PAPPA2: variants seen among roughly 807,000 people sequenced by gnomAD.
PAPPA2 encodes the protein pappalysin-2.
In PAPPA2, 86 loss-of-function variants were observed where a neutral mutation model predicts 176.4. The observed-to-expected ratio is 0.49, with a 90% CI of 0.41 to 0.58. The LOEUF (loss-of-function observed/expected upper bound fraction) is 0.58, where lower values mean the gene tolerates loss of function less well. PAPPA2 is among the 20% of genes least tolerant of loss of function. PAPPA2 has a pLI of 0.00. For synonymous variants in PAPPA2, 809 were observed against 852.2 expected, an observed-to-expected ratio of 0.95 and a Z score of 0.88; for missense variants, 2,073 against 2,256.9, an observed-to-expected ratio of 0.92 and a Z score of 1.65.
At chr1:176,499,633 G>C (rs1326359565) in intron 1 of PAPPA2, among the ~76,000 whole-genome samples, 1 of 152,124 alleles carries the variant, frequency 6.6e-6, no homozygotes, top group Non-Finnish European at 1.5e-5. Context: ...GGGAGACCAT[G>C]GTGAACAGCT....
At chr1:176,690,759 G>T in intron 5 of PAPPA2, 1 of 1,117,206 alleles carries the variant, frequency 9.0e-7, no homozygotes. Flanking sequence ...TCTTATTTTT[G>T]CCCGCATTCT....
intron 1 of PAPPA2, among the ~76,000 whole-genome samples, chr1:176,543,869 G>T (rs1280841646): frequency 1.3e-5 from 2 of 151,966 alleles, no homozygotes; most frequent in Non-Finnish European, 2.9e-5. Context: ...TAAGAAGTGG[G>T]CCATCTCTCT....
intron 3 of PAPPA2, among the ~76,000 whole-genome samples, chr1:176,605,882 A>C (rs1396050192): frequency 6.6e-6 from 1 of 152,078 alleles, no homozygotes. Flanking sequence ...AGCTTCTGAC[A>C]TGTTTAATTC....
intron 21 of PAPPA2, among the ~76,000 whole-genome samples, chr1:176,809,370 A>G (rs980851324): frequency 6.6e-6 from 1 of 152,208 alleles, no homozygotes; most frequent in African/African-American, 2.4e-5. Context: ...ATGGAGGTGG[A>G]AAGTTGTATT....
intron 12 of PAPPA2, among the ~76,000 whole-genome samples, chr1:176,722,362 A>ACTTTAAT (rs374559489): frequency 0.011 from 1,687 of 150,346 alleles, 21 homozygotes; most frequent in Middle Eastern, 0.028. Context: ...GGGAAAGATC[A>ACTTTAAT]CTTTAATTCA....
chr1:176,751,049 T>A (rs1663149843), intron 14 of PAPPA2, among the ~76,000 whole-genome samples: 1 of 151,956 alleles, frequency 6.6e-6, no homozygotes, highest in Admixed American at 6.6e-5. Context: ...AGTTTCAGCT[T>A]TCTACATATG....
At chr1:176,646,258 A>C (rs1335159468) in intron 3 of PAPPA2, among the ~76,000 whole-genome samples, 1 of 151,154 alleles carries the variant, frequency 6.6e-6, no homozygotes, top group Non-Finnish European at 1.5e-5. Flanking sequence ...CCATTTAAAA[A>C]ATTTTTATTT....
chr1:176,754,905 G>A (rs1041643842), intron 14 of PAPPA2, among the ~76,000 whole-genome samples: 2 of 152,148 alleles, frequency 1.3e-5, no homozygotes, highest in Non-Finnish European at 1.5e-5. Context: ...AGCACTGCAG[G>A]CAGAGGAAGT....
At chr1:176,642,415 G>A (rs577916444) in intron 3 of PAPPA2, among the ~76,000 whole-genome samples, 70 of 151,650 alleles carry the variant, frequency 4.6e-4, no homozygotes, top group Non-Finnish European at 5.5e-4. Context: ...CAAGCAAAAG[G>A]ACAAAGACAC....
chr1:176,533,178 T>A (rs1649905730), intron 1 of PAPPA2, among the ~76,000 whole-genome samples: 1 of 152,246 alleles, frequency 6.6e-6, no homozygotes, highest in Admixed American at 6.5e-5. Context: ...AGCCTCCCTC[T>A]TCAGGGGTGA....
chr1:176,549,631 A>G (rs899107371), intron 1 of PAPPA2, among the ~76,000 whole-genome samples: 3 of 152,198 alleles, frequency 2.0e-5, no homozygotes, highest in Non-Finnish European at 4.4e-5. Context: ...ACTTTAAGCC[A>G]GCTTAGTGCT....
intron 2 of PAPPA2, among the ~76,000 whole-genome samples, chr1:176,570,836 C>CA (rs1201258706): frequency 1.3e-5 from 2 of 152,054 alleles, no homozygotes; most frequent in African/African-American, 2.4e-5. Context: ...GGTGTGCTGC[C>CA]AAAAGCCAAG....
chr1:176,764,392 C>G (rs987102095), intron 14 of PAPPA2, among the ~76,000 whole-genome samples: 1 of 152,158 alleles, frequency 6.6e-6, no homozygotes, highest in Non-Finnish European at 1.5e-5. Context: ...GGAATAACAA[C>G]TCTGTGAGGT....
Position 176,557,335 on chromosome 1 carries a change from A to T in PAPPA2, c.919+94A>T, listed in dbSNP as rs1352770175. 3 of 1,399,408 alleles carry T rather than the reference A, an allele frequency of 2.1e-6. No individual in the cohort carries two copies. In the Admixed American group the frequency reaches 7.8e-5, roughly 36 times the overall value. The allele number at this position is 1,399,408 out of a possible 1,614,324, so 86.7% of individuals were successfully genotyped here. ...CATAGGGAGCGAGGATGGGAAGGGG[A>T]CCCAACAGGAAAGCCAGAAAGGGCT... is the stretch of plus-strand genomic sequence containing the variant. On this transcript the variant is annotated intron_variant, in intron 2 of 22. Transcript: ENST00000367662.
At chr1:176,536,239 T>G (rs548621659) in intron 1 of PAPPA2, among the ~76,000 whole-genome samples, 4 of 152,172 alleles carry the variant, frequency 2.6e-5, no homozygotes, top group Non-Finnish European at 5.9e-5. Context: ...TAACAAGTTG[T>G]GAGAAAGATA....
chr1:176,681,223 T>A (rs955084796), intron 4 of PAPPA2, among the ~76,000 whole-genome samples: 5 of 152,192 alleles, frequency 3.3e-5, no homozygotes, highest in Non-Finnish European at 5.9e-5. Flanking sequence ...GAAGAATCAC[T>A]GTGGCACAGA....
intron 1 of PAPPA2, among the ~76,000 whole-genome samples, chr1:176,485,887 C>T (rs911757279): frequency 6.6e-6 from 1 of 152,094 alleles, no homozygotes; most frequent in African/African-American, 2.4e-5. Flanking sequence ...CTCAAAGAAG[C>T]ATTTAGACTT....
At chr1:176,745,289 G>A (rs1662856274) in intron 14 of PAPPA2, among the ~76,000 whole-genome samples, 1 of 152,104 alleles carries the variant, frequency 6.6e-6, no homozygotes, top group African/African-American at 2.4e-5. Context: ...GACATGCTTG[G>A]CCAGTGGTGT....
chr1:176,788,466 A>T (rs1665036928), intron 17 of PAPPA2, among the ~76,000 whole-genome samples: 1 of 152,272 alleles, frequency 6.6e-6, no homozygotes, highest in Non-Finnish European at 1.5e-5. Context: ...TGGTGATTTA[A>T]GGCTGCCACA....
Sources: gnomAD v4.1 joint callset for allele counts (sites outside exome capture counted in the v4.1 genomes callset) on GRCh38, gnomAD v4.1.1 for gene constraint, MANE v1.5 for transcripts, NCBI Gene and HGNC (gene_info 2026-07-23, HGNC 2026-07-21) for gene names.